The following CAMK4 variants were observed in gnomAD, a reference collection of about 807,000 sequenced individuals.
CAMK4 encodes calcium/calmodulin-dependent protein kinase type IV.
In CAMK4, 22 loss-of-function variants were observed where a neutral mutation model predicts 44.9. The observed-to-expected ratio is 0.49, with a 90% CI of 0.35 to 0.70. The LOEUF (loss-of-function observed/expected upper bound fraction) is 0.70. CAMK4 is among the 30% of genes least tolerant of loss of function. The pLI, the probability that CAMK4 is intolerant of heterozygous loss-of-function variation, is 0.01. For missense variants in CAMK4, 498 were observed against 586.8 expected, an observed-to-expected ratio of 0.85 and a Z score of 1.56; for synonymous variants, 218 against 215.4, an observed-to-expected ratio of 1.01 and a Z score of -0.11.
intron 1 of CAMK4, among the ~76,000 whole-genome samples, chr5:111,309,060 C>T (rs1043654551): frequency 6.6e-6 from 1 of 152,110 alleles, no homozygotes; most frequent in Non-Finnish European, 1.5e-5. Context: ...GTTCTTGGAC[C>T]TGAGTATCTT....
At chr5:111,351,914 G>A (rs1580635821) in intron 2 of CAMK4, among the ~76,000 whole-genome samples, 1 of 152,096 alleles carries the variant, frequency 6.6e-6, no homozygotes, top group African/African-American at 2.4e-5. Context: ...GGTGACAGCA[G>A]ATTTGGTGTT....
intron 1 of CAMK4, among the ~76,000 whole-genome samples, chr5:111,294,732 T>A (rs1561391667): frequency 2.0e-5 from 3 of 152,026 alleles, no homozygotes; most frequent in African/African-American, 7.3e-5. Context: ...ATCTGAGTGA[T>A]ACTGTACCAG....
At chr5:111,468,833 C>T (rs1754938766) in intron 7 of CAMK4, among the ~76,000 whole-genome samples, 1 of 151,994 alleles carries the variant, frequency 6.6e-6, no homozygotes, top group Non-Finnish European at 1.5e-5. Flanking sequence ...CAAAAATTAG[C>T]TGGGTGTGGT....
At chr5:111,446,828 T>A in intron 6 of CAMK4, 52 bp downstream of exon 6, 2 of 1,086,452 alleles carry the variant, frequency 1.8e-6, no homozygotes, top group Non-Finnish European at 1.4e-6. Context: ...GCAGAAAAAA[T>A]TTTACTGTGT....
chr5:111,292,370 T>C (rs1469387579), intron 1 of CAMK4, among the ~76,000 whole-genome samples: 2 of 152,190 alleles, frequency 1.3e-5, no homozygotes, highest in Non-Finnish European at 2.9e-5. Context: ...AAAGTATGAA[T>C]GTATGTGTAC....
intron 1 of CAMK4, among the ~76,000 whole-genome samples, chr5:111,265,297 C>T (rs1750187808): frequency 6.6e-6 from 1 of 152,154 alleles, no homozygotes; most frequent in African/African-American, 2.4e-5. Flanking sequence ...GCAACATTGT[C>T]TTGGGAACCA....
chr5:111,376,382 A>G (rs1751213172), intron 3 of CAMK4, among the ~76,000 whole-genome samples: 1 of 151,962 alleles, frequency 6.6e-6, no homozygotes, highest in African/African-American at 2.4e-5. Flanking sequence ...CTTTTTAACT[A>G]TTGATTGATA....
rs1755895370 is a variant in CAMK4, at chr5:111,492,710, A to G, written c.*8244A>G. On this transcript the variant is annotated 3_prime_UTR_variant, in exon 11 of 11. Coordinates refer to ENST00000282356, the MANE Select transcript of CAMK4 (RefSeq NM_001744.6). ...CCTCCAGGAACAATTTTCCCTGTGA[A>G]CTTTCACTGAGAAACTATTATATGC... 1 of 152,210 alleles carries G rather than the reference A, an allele frequency of 6.6e-6. No individual in the cohort carries two copies. Among genetic ancestry groups the G allele is most frequent in the Non-Finnish European group, 1.5e-5 (1 of 68,044 alleles). The allele number at this position is 152,210 out of a possible 1,614,324, so 9.4% of individuals were successfully genotyped here.
At chr5:111,315,619 C>T (rs1470061431) in intron 1 of CAMK4, among the ~76,000 whole-genome samples, 1 of 152,068 alleles carries the variant, frequency 6.6e-6, no homozygotes, top group Non-Finnish European at 1.5e-5. Flanking sequence ...TATAAAGGAA[C>T]TCTAAACCTC....
intron 1 of CAMK4, among the ~76,000 whole-genome samples, chr5:111,316,670 G>T (rs1748437575): frequency 6.6e-6 from 1 of 152,132 alleles, no homozygotes; most frequent in Admixed American, 6.6e-5. Context: ...TTTTAAAAAA[G>T]AGTTTTCTTA....
At chr5:111,349,532 T>C (rs149246512) in intron 2 of CAMK4, among the ~76,000 whole-genome samples, 202 of 152,034 alleles carry the variant, frequency 1.3e-3, no homozygotes, top group African/African-American at 4.3e-3. Flanking sequence ...AGGAAAAAAA[T>C]AAATTCGAGA....
chr5:111,376,147 C>T (rs1751203879), intron 3 of CAMK4, among the ~76,000 whole-genome samples: 1 of 151,902 alleles, frequency 6.6e-6, no homozygotes. Context: ...AATAAAATCT[C>T]CCACACTCCA....
intron 5 of CAMK4, among the ~76,000 whole-genome samples, chr5:111,421,214 A>C (rs1753020034): frequency 6.6e-6 from 1 of 152,246 alleles, no homozygotes; most frequent in Non-Finnish European, 1.5e-5. Flanking sequence ...CAATATCTGC[A>C]TTCCTCAGCA....
At chr5:111,237,694 A>T (rs1031140644) in intron 1 of CAMK4, among the ~76,000 whole-genome samples, 4 of 152,216 alleles carry the variant, frequency 2.6e-5, no homozygotes, top group Non-Finnish European at 4.4e-5. Context: ...ATTCTTTTTA[A>T]AAAGCTTGAC....
At position 111,425,203 on chromosome 5, in the gene CAMK4, G is replaced by C. The variant is rs551790840; in HGVS notation, c.460-21483G>C. 2.7e-4 allele frequency among the ~76,000 whole-genome samples: 41 copies of C among 151,608 alleles called. No individual in the cohort carries two copies. The East Asian group carries it at 7.7e-3, about 29-fold the overall frequency. ...AAAAAGTTTAACATCCCTGACGTGA[G>C]TCAGTAGAGATTGGGTAGAAGATAT... On this transcript the variant is annotated intron_variant, in intron 5 of 10. Transcript: ENST00000282356.
intron 7 of CAMK4, among the ~76,000 whole-genome samples, chr5:111,461,851 C>T (rs1347715724): frequency 7.0e-6 from 1 of 143,506 alleles, no homozygotes; most frequent in Non-Finnish European, 1.5e-5. Flanking sequence ...AGCATTTGCC[C>T]CTAGCTCTAA....
intron 1 of CAMK4, among the ~76,000 whole-genome samples, chr5:111,235,484 C>T (rs1382893461): frequency 1.3e-5 from 2 of 152,186 alleles, no homozygotes; most frequent in East Asian, 1.9e-4. Context: ...CTCTTCCTCT[C>T]TTTTTCCCCT....
intron 1 of CAMK4, among the ~76,000 whole-genome samples, chr5:111,324,886 A>G (rs573629965): frequency 1.3e-5 from 2 of 151,986 alleles, no homozygotes; most frequent in Admixed American, 6.6e-5. Flanking sequence ...CAGAACATGC[A>G]GGTTTGTTAC....
chr5:111,329,849 G>A (rs559952157), intron 1 of CAMK4, among the ~76,000 whole-genome samples: 22 of 151,730 alleles, frequency 1.4e-4, no homozygotes, highest in African/African-American at 5.3e-4. Flanking sequence ...TTCTTAATTT[G>A]ACAAACCACA....
Sources: gnomAD v4.1 joint callset for allele counts (sites outside exome capture counted in the v4.1 genomes callset) on GRCh38, gnomAD v4.1.1 for gene constraint, MANE v1.5 for transcripts, NCBI Gene and HGNC (gene_info 2026-07-23, HGNC 2026-07-21) for gene names.